The following CSMD2 variants were observed in gnomAD, a reference collection of about 807,000 sequenced individuals.
CSMD2 encodes CUB and sushi domain-containing protein 2.
A neutral mutation model predicts 398.5 loss-of-function variants in CSMD2; 130 were observed. The ratio of observed to expected loss-of-function variants is 0.33; its 90% CI spans 0.28 to 0.38. The LOEUF is 0.38. Ranked by LOEUF, CSMD2 falls within the 10% of genes least tolerant of loss-of-function variation. The probability of loss-of-function intolerance (pLI) is 1.00; values close to 1 mark genes in which losing one functional copy is unlikely to be tolerated. For missense variants in CSMD2, 3,829 were observed against 4,764.9 expected (o/e 0.80, Z 5.78); for synonymous variants, 1,828 against 1,908.5 (o/e 0.96, Z 1.10).
At chr1:34,107,344 T>C (rs961108832) in intron 1 of CSMD2, among the ~76,000 whole-genome samples, 2 of 152,178 alleles carry the variant, frequency 1.3e-5, no homozygotes, top group Admixed American at 6.5e-5. Flanking sequence ...CCTGCCCTCA[T>C]GGAGCTTACG....
At chr1:34,092,622 T>C (rs1337138374) in intron 1 of CSMD2, among the ~76,000 whole-genome samples, 1 of 152,186 alleles carries the variant, frequency 6.6e-6, no homozygotes, top group Non-Finnish European at 1.5e-5. Context: ...GGGAGTTCCC[T>C]TTCCTAATCA....
chr1:33,789,930 G>A (rs1477761063), intron 11 of CSMD2, among the ~76,000 whole-genome samples: 1 of 152,198 alleles, frequency 6.6e-6, no homozygotes, highest in Admixed American at 6.5e-5. Context: ...CATTTGCTGT[G>A]GGACCTTGGG....
chr1:34,013,366 G>A (rs756804910), intron 3 of CSMD2, among the ~76,000 whole-genome samples: 36 of 152,148 alleles, frequency 2.4e-4, no homozygotes, highest in Non-Finnish European at 4.4e-4. Flanking sequence ...CCTCAGAGGG[G>A]CATCCTCTTG....
chr1:33,988,622 G>C (rs745654920), intron 3 of CSMD2, among the ~76,000 whole-genome samples: 13 of 152,118 alleles, frequency 8.5e-5, no homozygotes, highest in Non-Finnish European at 1.3e-4. Context: ...GTCTCCATGA[G>C]AGCAGGGACT....
At chr1:33,760,932 G>C (rs1463869653) in intron 13 of CSMD2, among the ~76,000 whole-genome samples, 1 of 152,052 alleles carries the variant, frequency 6.6e-6, no homozygotes, top group Non-Finnish European at 1.5e-5. Flanking sequence ...AGGCCAAAAG[G>C]TTTGCTCTTT....
rs747813202 is a variant in CSMD2 at position 33,542,911 on chromosome 1, A to G, written c.9101-15T>C. ...ACAAGAGATCACTAGGAAGACAAAA[A>G]TACACATTATTCACCAGAACAATGG... On this transcript the variant is annotated splice_polypyrimidine_tract_variant and intron_variant, in intron 57 of 70. Coordinates refer to ENST00000373381, the MANE Select transcript of CSMD2 (RefSeq NM_001281956.2). The G allele has an allele frequency of 1.2e-6, 2 of 1,611,972 alleles. No individual in the cohort carries two copies. The highest frequency in any genetic ancestry group is 2.2e-5 in the East Asian group (1 of 44,868).
At chr1:33,632,089 G>A (rs561243704) in intron 32 of CSMD2, among the ~76,000 whole-genome samples, 48 of 152,016 alleles carry the variant, frequency 3.2e-4, no homozygotes, top group Middle Eastern at 6.8e-3. Context: ...ATTCTGCTAG[G>A]ACAACTGATT....
In CSMD2 at chr1:33,739,333, G is replaced by A. The variant is rs1646983321; in HGVS notation, c.2175C>T (p.Thr725=). The A allele has an allele frequency of 6.2e-7, 1 of 1,611,788 alleles. No homozygotes were observed. Residue 725 remains threonine, a splice_region_variant and synonymous_variant, in exon 15 of 71, where the codon ACC becomes ACT. Coordinates refer to ENST00000373381, the MANE Select transcript of CSMD2 (RefSeq NM_001281956.2). ...GATCCGGGCACTCGTTGTGTCGGAA[G>A]GCTGTGTAGATGGAGTTCAAGGACA... ...GKRGFNITFT[T]FRHNECPDPG... is the part of the protein sequence containing the mutation.
chr1:34,122,495 A>C (rs75748652), intron 1 of CSMD2, among the ~76,000 whole-genome samples: 4,047 of 151,820 alleles, frequency 0.027, 73 homozygotes, highest in African/African-American at 0.045. Context: ...CACTCCACTA[A>C]TCCTCTTCCT....
chr1:33,759,324 C>CTTTCTTTTTTTTTTTTTTT lies in CSMD2; in HGVS notation c.1846+13244_1846+13245insAAAAAAAAAAAAAAAGAAA, dbSNP rs1553196465. Among the ~76,000 whole-genome samples the CTTTCTTTTTTTTTTTTTTT allele has an allele frequency of 3.2e-5, 4 of 124,782 alleles. 1 individual carries two copies. The highest frequency in any genetic ancestry group is 5.1e-5 in the Non-Finnish European group (3 of 58,980). The allele number at this position is 124,782 out of a possible 152,430, so 81.9% of individuals were successfully genotyped here. A position where few individuals can be genotyped will look rare whatever the true frequency, so the allele number is the denominator to read the frequency against. ...GCTTGAGTTTCTTTTCTTTTTTTTT[C>CTTTCTTTTTTTTTTTTTTT]TTTTTTTTTTTTTTTTTTTGAGACA... is the stretch of plus-strand genomic sequence containing the variant. On this transcript the variant is annotated intron_variant, in intron 13 of 70. Transcript: ENST00000373381.
intron 3 of CSMD2, among the ~76,000 whole-genome samples, chr1:33,965,542 G>A (rs1167315042): frequency 6.6e-6 from 1 of 152,122 alleles, no homozygotes; most frequent in Non-Finnish European, 1.5e-5. Context: ...GGTGCTATCA[G>A]GAAGTGCTCC....
Position 33,586,598 on chromosome 1 carries a change from T to C in CSMD2, c.6957A>G (p.Arg2319=). The C allele has an allele frequency of 6.2e-7, 1 of 1,613,122 alleles. No homozygotes were observed. Residue 2319 remains arginine, a synonymous_variant, in exon 46 of 71, where the codon AGA becomes AGG. Coordinates refer to ENST00000373381, the MANE Select transcript of CSMD2 (RefSeq NM_001281956.2). ...EFNIGDIVRY[R]CLPGFTLVGN... ...CCACTAAGGTAAAGCCAGGGAGGCA[T>C]CTGTAGCGTACGATGTCACCTGTCA...
intron 55 of CSMD2, among the ~76,000 whole-genome samples, chr1:33,555,827 CTTATT>C (rs1439091431): frequency 6.6e-6 from 1 of 152,176 alleles, no homozygotes; most frequent in Non-Finnish European, 1.5e-5. Flanking sequence ...ATTTGTGTGA[CTTATT>C]TTATTGCGAT....
intron 42 of CSMD2, 80 bp downstream of exon 42, chr1:33,605,202 T>C (rs941499813): frequency 3.9e-5 from 51 of 1,322,758 alleles, no homozygotes; most frequent in Non-Finnish European, 5.0e-5. Flanking sequence ...ACAGAGCAGG[T>C]AGGTGGAACA....
chr1:33,925,009 C>G (rs1393326424), intron 4 of CSMD2, among the ~76,000 whole-genome samples: 1 of 152,046 alleles, frequency 6.6e-6, no homozygotes, highest in East Asian at 1.9e-4. Flanking sequence ...CGTCTTTTCA[C>G]TTTGTTGATG....
Position 33,636,495 on chromosome 1 carries a change from A to G in CSMD2, c.4834T>C (p.Ser1612Pro). The change falls in exon 30 of 71, where the codon TCC becomes CCC. Residue 1612 changes from serine to proline, a missense_variant. Ser to Pro is a moderately conservative substitution (Grantham distance 74). Around this residue, in one of 5 missense-constraint regions of CSMD2, gnomAD observed 2,001 missense variants for 2,567.1 expected, o/e 0.78. Coordinates refer to ENST00000373381, the MANE Select transcript of CSMD2 (RefSeq NM_001281956.2). This position sits in a 1 kb window ranked among gnomAD's most constrained non-coding sequence, Gnocchi z 4.8. The stretch of plus-strand genomic sequence containing the variant: ...ACGGAGGAGCCCAGCTTCAGGTCGG[A>G]CCCCACCCGTGTGCCGTTCTTGATG... ...GSIKNGTRVG[S>P]DLKLGSSVTY... The G allele has an allele frequency of 1.9e-6, 3 of 1,613,956 alleles. No homozygotes were observed. Among genetic ancestry groups the G allele is most frequent in the Non-Finnish European group, 2.5e-6 (3 of 1,179,990 alleles).
intron 22 of CSMD2, 50 bp from the exon 23 acceptor site, chr1:33,700,723 T>C (rs778858669): frequency 2.0e-5 from 32 of 1,590,026 alleles, no homozygotes; most frequent in Non-Finnish European, 1.8e-5. Flanking sequence ...TGGCCTTATG[T>C]TGAACAACAC....
intron 3 of CSMD2, among the ~76,000 whole-genome samples, chr1:33,936,687 G>T (rs560848315): frequency 2.4e-4 from 37 of 152,330 alleles, no homozygotes; most frequent in African/African-American, 8.4e-4. Context: ...GCAATAAGGA[G>T]GGAGGGAGGA....
In CSMD2 at chr1:33,625,108, A is replaced by G; in HGVS notation, c.5443T>C (p.Cys1815Arg). The G allele has an allele frequency of 6.2e-7, 1 of 1,613,888 alleles. No homozygotes were observed. The highest frequency in any genetic ancestry group is 8.5e-7 in the Non-Finnish European group (1 of 1,179,962). ...YALQGSPEIE[C>R]LPVPGALAQW... The stretch of plus-strand genomic sequence containing the variant: ...GCCAAGGCCCCAGGCACAGGGAGGC[A>G]CTCGATCTCTGGCGACCCCTGCAGG... Residue 1815 changes from cysteine to arginine, a missense_variant, in exon 34 of 71, where the codon TGC becomes CGC. Coordinates refer to ENST00000373381, the MANE Select transcript of CSMD2 (RefSeq NM_001281956.2).
Sources: gnomAD v4.1 joint callset for allele counts (sites outside exome capture counted in the v4.1 genomes callset) on GRCh38, gnomAD v4.1.1 for gene constraint, gnomAD v4.1.1 regional missense constraint, Gnocchi (gnomAD v3.1) non-coding constraint, MANE v1.5 for transcripts, NCBI Gene and HGNC (gene_info 2026-07-23, HGNC 2026-07-21) for gene names.